The following HPGDS variants were observed in gnomAD, a reference collection of about 807,000 sequenced individuals.
HPGDS encodes GST class-sigma.
Under a neutral mutation model 23.1 loss-of-function variants are expected in HPGDS, and 26 were observed. The ratio of observed to expected loss-of-function variants is 1.13; its 90% CI spans 0.83 to 1.56. The LOEUF is 1.56. Ranked by LOEUF, HPGDS falls within the 40% of genes most tolerant of loss-of-function variation. The pLI, the probability that HPGDS is intolerant of heterozygous loss-of-function variation, is 0.00. For missense variants in HPGDS, 268 were observed against 236.4 expected (o/e 1.13, Z -0.88); for synonymous variants, 95 against 77.9 (o/e 1.22, Z -1.16).
At chr4:94,334,728 C>T (rs1720953245) in intron 1 of HPGDS, 90 bp from the exon 2 acceptor site, 1 of 1,195,774 alleles carries the variant, frequency 8.4e-7, no homozygotes, top group Non-Finnish European at 1.2e-6. Context: ...AACTTTATGG[C>T]ATCTCTTGAG....
At chr4:94,308,611 G>T in intron 4 of HPGDS, 23 bp downstream of exon 4, 1 of 1,262,590 alleles carries the variant, frequency 7.9e-7, no homozygotes. Context: ...TTAATACTAG[G>T]AATAGCAAAT....
At chr4:94,329,620 G>A (rs377524086) in intron 2 of HPGDS, among the ~76,000 whole-genome samples, 2 of 152,122 alleles carry the variant, frequency 1.3e-5, no homozygotes, top group East Asian at 3.9e-4. Flanking sequence ...AGAATAAAGG[G>A]CAGATGAAGA....
intron 2 of HPGDS, among the ~76,000 whole-genome samples, chr4:94,321,564 T>C (rs188648921): frequency 1.4e-3 from 218 of 152,344 alleles, no homozygotes; most frequent in African/African-American, 4.9e-3. Context: ...GCTCTCTGTT[T>C]GTCTGTTATT....
intron 1 of HPGDS, among the ~76,000 whole-genome samples, chr4:94,337,079 C>T (rs1721036748): frequency 6.6e-6 from 1 of 152,168 alleles, no homozygotes; most frequent in East Asian, 1.9e-4. Context: ...ATTCTCCTGC[C>T]TCAGCCTCCT....
At chr4:94,319,401 G>T (rs1039791240) in intron 2 of HPGDS, among the ~76,000 whole-genome samples, 18 of 151,914 alleles carry the variant, frequency 1.2e-4, no homozygotes, top group Non-Finnish European at 2.4e-4. Flanking sequence ...TAGTCTATGT[G>T]TGTCTTTTCA....
intron 2 of HPGDS, among the ~76,000 whole-genome samples, chr4:94,320,597 T>G (rs1756486014): frequency 6.6e-6 from 1 of 152,198 alleles, no homozygotes; most frequent in Admixed American, 6.5e-5. Flanking sequence ...TCGCCCACTT[T>G]TTGATGGGGT....
intron 2 of HPGDS, among the ~76,000 whole-genome samples, chr4:94,324,916 A>G (rs1015820323): frequency 6.6e-6 from 1 of 152,104 alleles, no homozygotes; most frequent in South Asian, 2.1e-4. Flanking sequence ...TTGGTCTTTG[A>G]TGATGGTGAC....
chr4:94,307,030 C>A (rs1387443547), intron 4 of HPGDS, among the ~76,000 whole-genome samples: 1 of 151,930 alleles, frequency 6.6e-6, no homozygotes, highest in Non-Finnish European at 1.5e-5. Context: ...GTTTTGTAAT[C>A]TTTCAGAGTG....
chr4:94,338,828 T>A (rs772526515), intron 1 of HPGDS, among the ~76,000 whole-genome samples: 6 of 152,178 alleles, frequency 3.9e-5, no homozygotes, highest in Non-Finnish European at 7.3e-5. Flanking sequence ...CCAAAATGAT[T>A]GTCTATATTT....
chr4:94,340,311 C>CTTTCTTTCTTTTTCTTTTCTTTTT lies in HPGDS; in HGVS notation c.-10+2483_-10+2484insAAAAAGAAAAGAAAAAGAAAGAAA. Among the ~76,000 whole-genome samples, 5 of 23,686 alleles carry CTTTCTTTCTTTTTCTTTTCTTTTT rather than the reference C, an allele frequency of 2.1e-4. 2 individuals are homozygous for CTTTCTTTCTTTTTCTTTTCTTTTT. Among genetic ancestry groups the CTTTCTTTCTTTTTCTTTTCTTTTT allele is most frequent in the East Asian group, 1.4e-3 (1 of 726 alleles). 15.5% of individuals were successfully genotyped at this position (23,686 alleles called of 152,430 possible). ...TTTCTTTCTTTCTTTCTTTCTTTCT[C>CTTTCTTTCTTTTTCTTTTCTTTTT]TTTTTTTTTTTTTTTTTTTTTTTTT... is the stretch of plus-strand genomic sequence containing the variant. On this transcript the variant is annotated intron_variant, in intron 1 of 5. Transcript: ENST00000295256.
chr4:94,322,009 C>G (rs1019069112), intron 2 of HPGDS, among the ~76,000 whole-genome samples: 3 of 152,144 alleles, frequency 2.0e-5, no homozygotes, highest in Admixed American at 2.0e-4. Flanking sequence ...TTTTCTGCAT[C>G]TATTGAGACG....
chr4:94,327,859 C>T (rs1756663943), intron 2 of HPGDS, among the ~76,000 whole-genome samples: 1 of 152,162 alleles, frequency 6.6e-6, no homozygotes, highest in Non-Finnish European at 1.5e-5. Flanking sequence ...CAGAAGGGCT[C>T]CAGGGATGTG....
intron 3 of HPGDS, among the ~76,000 whole-genome samples, chr4:94,312,569 A>C (rs1444350583): frequency 2.6e-5 from 4 of 152,326 alleles, no homozygotes; most frequent in East Asian, 3.9e-4. Context: ...CTATGTGGTC[A>C]ACTTTGGAGT....
At chr4:94,335,331 C>T (rs1046165780) in intron 1 of HPGDS, among the ~76,000 whole-genome samples, 1 of 152,230 alleles carries the variant, frequency 6.6e-6, no homozygotes, top group African/African-American at 2.4e-5. Context: ...AAGCCAAGTA[C>T]TCTTACATTT....
chr4:94,328,693 T>A (rs1756683330), intron 2 of HPGDS, among the ~76,000 whole-genome samples: 1 of 152,234 alleles, frequency 6.6e-6, no homozygotes. Flanking sequence ...TTTCACAGTA[T>A]CTTTTAAACA....
intron 2 of HPGDS, among the ~76,000 whole-genome samples, chr4:94,329,978 G>T (rs1756706647): frequency 6.6e-6 from 1 of 152,198 alleles, no homozygotes; most frequent in Non-Finnish European, 1.5e-5. Context: ...GTCTAGTCTT[G>T]TGACAGGAAT....
intron 2 of HPGDS, among the ~76,000 whole-genome samples, chr4:94,323,895 G>T (rs1756572920): frequency 1.3e-5 from 2 of 152,126 alleles, no homozygotes; most frequent in African/African-American, 4.8e-5. Flanking sequence ...GCAGGGGCTG[G>T]TACCGGTTGT....
intron 4 of HPGDS, among the ~76,000 whole-genome samples, chr4:94,302,603 CT>C (rs56143749): frequency 2.0e-5 from 3 of 151,844 alleles, no homozygotes; most frequent in South Asian, 4.2e-4. Flanking sequence ...CTTAACCTAG[CT>C]TTTTTAAAGC....
intron 2 of HPGDS, among the ~76,000 whole-genome samples, chr4:94,326,715 A>G (rs1256759726): frequency 6.6e-6 from 1 of 151,534 alleles, no homozygotes; most frequent in African/African-American, 2.4e-5. Flanking sequence ...TTCCTTTTTT[A>G]TGGAATTGGT....
Sources: gnomAD v4.1 joint callset for allele counts (sites outside exome capture counted in the v4.1 genomes callset) on GRCh38, gnomAD v4.1.1 for gene constraint, MANE v1.5 for transcripts, NCBI Gene and HGNC (gene_info 2026-07-23, HGNC 2026-07-21) for gene names.